The following BARX2 variants were observed in gnomAD, a reference collection of about 807,000 sequenced individuals.
BARX2 encodes BARX homeobox 2.
Under a neutral mutation model 25.5 loss-of-function variants are expected in BARX2, and 11 were observed. That is an observed-to-expected ratio of 0.43 (90% CI 0.27 to 0.71). The LOEUF is 0.71. BARX2 is among the 30% of genes least tolerant of loss of function. The probability of loss-of-function intolerance (pLI) is 0.19; values close to 1 mark genes in which losing one functional copy is unlikely to be tolerated. For synonymous variants in BARX2, 137 were observed against 149.5 expected, an observed-to-expected ratio of 0.92 and a Z score of 0.61; for missense variants, 360 against 359.9, an observed-to-expected ratio of 1.00 and a Z score of 0.00.
chr11:129,402,050 A>ACATAGATATTTCCTTAC (rs1861781893), intron 1 of BARX2, among the ~76,000 whole-genome samples: 1 of 151,782 alleles, frequency 6.6e-6, no homozygotes. Flanking sequence ...ATAAATATGC[A>ACATAGATATTTCCTTAC]AAAGACATAA....
intron 1 of BARX2, among the ~76,000 whole-genome samples, chr11:129,382,426 G>A (rs1396979951): frequency 6.6e-6 from 1 of 152,128 alleles, no homozygotes; most frequent in Non-Finnish European, 1.5e-5. Flanking sequence ...TGATCTGCCC[G>A]CTTTGGCCTC....
intron 1 of BARX2, among the ~76,000 whole-genome samples, chr11:129,379,546 G>A (rs969372086): frequency 6.6e-6 from 1 of 151,876 alleles, no homozygotes; most frequent in Non-Finnish European, 1.5e-5. Flanking sequence ...AATGTTTCTT[G>A]GTGGAAAAGC....
At chr11:129,438,571 T>C (rs1317131623) in intron 2 of BARX2, among the ~76,000 whole-genome samples, 2 of 152,184 alleles carry the variant, frequency 1.3e-5, no homozygotes, top group African/African-American at 4.8e-5. Context: ...CAAATTTAAG[T>C]GACAGAGGAG....
chr11:129,442,821 C>A lies in BARX2; in HGVS notation c.489-14C>A. The A allele has an allele frequency of 6.2e-7, 1 of 1,609,120 alleles. No homozygotes were observed. Among genetic ancestry groups the A allele is most frequent in the Non-Finnish European group, 8.5e-7 (1 of 1,175,520 alleles). On this transcript the variant is annotated splice_polypyrimidine_tract_variant and intron_variant, in intron 2 of 3. Transcript: ENST00000281437. ...CATTCTGCTCACCTTTCCTTTGTAT[C>A]TTGTGCCTTCTAGGTTGGACTTGGC...
intron 1 of BARX2, among the ~76,000 whole-genome samples, chr11:129,434,421 T>TAAAAAAA (rs56344103): frequency 2.6e-5 from 2 of 76,390 alleles, no homozygotes; most frequent in African/African-American, 5.0e-5. Context: ...AAAAAGTAAG[T>TAAAAAAA]AAAAAAAAAA....
intron 1 of BARX2, among the ~76,000 whole-genome samples, chr11:129,394,403 A>G (rs1000216046): frequency 1.3e-5 from 2 of 152,238 alleles, no homozygotes; most frequent in East Asian, 1.9e-4. Flanking sequence ...TATGAGAAAA[A>G]TAGTTCTACA....
intron 2 of BARX2, among the ~76,000 whole-genome samples, chr11:129,441,729 C>T (rs1185790647): frequency 6.6e-6 from 1 of 152,212 alleles, no homozygotes; most frequent in Admixed American, 6.5e-5. Context: ...GGATTACAGG[C>T]ATGAGCCACT....
chr11:129,426,379 T>G (rs1462571872), intron 1 of BARX2, among the ~76,000 whole-genome samples: 3 of 150,222 alleles, frequency 2.0e-5, no homozygotes, highest in African/African-American at 7.3e-5. Flanking sequence ...GGTTTTTTTT[T>G]GTTTTTTTTT....
intron 1 of BARX2, among the ~76,000 whole-genome samples, chr11:129,414,378 G>T (rs1861922322): frequency 6.6e-6 from 1 of 152,142 alleles, no homozygotes; most frequent in Non-Finnish European, 1.5e-5. Flanking sequence ...CGAGATAAAG[G>T]ATTTACATAA....
intron 2 of BARX2, chr11:129,437,873 A>C (rs1324358251): frequency 6.6e-6 from 1 of 152,102 alleles, no homozygotes; most frequent in Non-Finnish European, 1.5e-5. Flanking sequence ...CAAAAATTAA[A>C]ATATGAGCCA....
intron 3 of BARX2, among the ~76,000 whole-genome samples, chr11:129,443,128 C>CTGTT (rs140378073): frequency 0.043 from 6,472 of 152,124 alleles, 199 homozygotes; most frequent in African/African-American, 0.084. Flanking sequence ...TATTCTTTTT[C>CTGTT]TGTTTCCTTA....
chr11:129,450,065 G>A (rs943287397), intron 3 of BARX2, among the ~76,000 whole-genome samples: 1 of 152,056 alleles, frequency 6.6e-6, no homozygotes, highest in African/African-American at 2.4e-5. Context: ...TGTAATACAA[G>A]GTATTATTAT....
In BARX2 at chr11:129,437,151, G is replaced by T. The variant is rs573612035; in HGVS notation, c.488+100G>T. The T allele has an allele frequency of 3.1e-6, 4 of 1,298,254 alleles. No individual in the cohort carries two copies. In the South Asian group the frequency reaches 5.2e-5, roughly 17 times the overall value. 80.4% of individuals were successfully genotyped at this position (1,298,254 alleles called of 1,614,324 possible). ...GGAGCCACAGCACTGGTACAGTGAG[G>T]CAGGACACTATGGCGGAGTCCACTC... is the stretch of plus-strand genomic sequence containing the variant. On this transcript the variant is annotated intron_variant, in intron 2 of 3. Transcript: ENST00000281437.
At chr11:129,426,084 T>G (rs1862059080) in intron 1 of BARX2, among the ~76,000 whole-genome samples, 1 of 152,112 alleles carries the variant, frequency 6.6e-6, no homozygotes, top group Non-Finnish European at 1.5e-5. Flanking sequence ...TAAAACATTT[T>G]CTGTTTTCTT....
intron 1 of BARX2, among the ~76,000 whole-genome samples, chr11:129,414,314 ATTTAG>A (rs977642405): frequency 3.9e-5 from 6 of 152,110 alleles, no homozygotes; most frequent in African/African-American, 1.4e-4. Flanking sequence ...TCTGGATATA[ATTTAG>A]TTTAGGCCCT....
intron 1 of BARX2, among the ~76,000 whole-genome samples, chr11:129,421,156 C>A (rs1862000232): frequency 6.6e-6 from 1 of 152,132 alleles, no homozygotes; most frequent in Non-Finnish European, 1.5e-5. Flanking sequence ...GGTTTGCGAA[C>A]CGATGTGCAT....
At chr11:129,442,989 G>A in intron 3 of BARX2, 70 bp downstream of exon 3, 1 of 1,426,306 alleles carries the variant, frequency 7.0e-7, no homozygotes, top group Non-Finnish European at 9.9e-7. Flanking sequence ...CTGTTGGGAG[G>A]GAGGCCGGAC....
chr11:129,416,404 A>G (rs948576357), intron 1 of BARX2, among the ~76,000 whole-genome samples: 9 of 152,236 alleles, frequency 5.9e-5, no homozygotes, highest in Admixed American at 1.3e-4. Flanking sequence ...AAAGTTTGGC[A>G]TGACAGCCTC....
rs1565523188 is a variant in BARX2, at chr11:129,442,828, CT to C, written c.489-5del. 6.2e-7 allele frequency: 1 copy of C among 1,612,040 alleles called. No individual in the cohort carries two copies. The highest frequency in any genetic ancestry group is 2.2e-5 in the East Asian group (1 of 44,854). ...CTCACCTTTCCTTTGTATCTTGTGC[CT>C]TCTAGGTTGGACTTGGCTCAGTCTC... On this transcript the variant is annotated splice_region_variant and splice_polypyrimidine_tract_variant and intron_variant, in intron 2 of 3. Coordinates refer to ENST00000281437, the MANE Select transcript of BARX2 (RefSeq NM_003658.5).
Sources: allele counts gnomAD v4.1 joint callset (sites outside exome capture counted in the v4.1 genomes callset), GRCh38; gene constraint gnomAD v4.1.1; transcripts MANE v1.5; gene names NCBI Gene and HGNC (gene_info 2026-07-23, HGNC 2026-07-21).